Variants in SEMA5A observed in about 807,000 individuals in gnomAD.
SEMA5A encodes the protein semaphorin 5A.
Under a neutral mutation model 135.5 loss-of-function variants are expected in SEMA5A, and 55 were observed. That is an observed-to-expected ratio of 0.41 (90% confidence interval 0.33 to 0.51). The LOEUF (loss-of-function observed/expected upper bound fraction) is 0.51, where lower values mean the gene tolerates loss of function less well. SEMA5A is among the 20% of genes least tolerant of loss of function. The pLI, the probability that SEMA5A is intolerant of heterozygous loss-of-function variation, is 0.37. For synonymous variants in SEMA5A, 580 were observed against 546.5 expected, an observed-to-expected ratio of 1.06 and a Z score of -0.85; for missense variants, 1,290 against 1,419.9, an observed-to-expected ratio of 0.91 and a Z score of 1.47.
intron 1 of SEMA5A, among the ~76,000 whole-genome samples, chr5:9,473,535 C>T (rs1759558332): frequency 6.6e-6 from 1 of 151,724 alleles, no homozygotes; most frequent in Admixed American, 6.6e-5. Flanking sequence ...GTAGATTTTA[C>T]CCCAAAATTC....
At chr5:9,452,135 C>G (rs933250966) in intron 1 of SEMA5A, among the ~76,000 whole-genome samples, 1 of 152,152 alleles carries the variant, frequency 6.6e-6, no homozygotes, top group African/African-American at 2.4e-5. Flanking sequence ...TGCCCTGTCT[C>G]CTAATGCTGA....
At position 9,058,398 on chromosome 5, in the gene SEMA5A, G is replaced by A. The variant is rs550384924; in HGVS notation, c.2519-4141C>T. 2.6e-5 allele frequency among the ~76,000 whole-genome samples: 4 copies of A among 152,214 alleles called. No individual in the cohort carries two copies. In the East Asian group the frequency reaches 7.7e-4, roughly 29 times the overall value. On this transcript the variant is annotated intron_variant, in intron 18 of 22. Transcript: ENST00000382496. ...CTCCCATGTTGCTAAAAATCACATA[G>A]GAATCTCCTCATGGCTTGAATCATC...
intron 5 of SEMA5A, among the ~76,000 whole-genome samples, chr5:9,243,061 T>A (rs1476961684): frequency 6.6e-6 from 1 of 152,206 alleles, no homozygotes; most frequent in Non-Finnish European, 1.5e-5. Context: ...TCACTGGGCG[T>A]TCTGTTCTCT....
intron 1 of SEMA5A, among the ~76,000 whole-genome samples, chr5:9,464,480 T>C (rs1385241481): frequency 6.6e-6 from 1 of 152,254 alleles, no homozygotes; most frequent in Admixed American, 6.5e-5. Context: ...TTGAACAGTT[T>C]ACTCACGTAC....
chr5:9,254,297 T>G (rs1431772681), intron 5 of SEMA5A, among the ~76,000 whole-genome samples: 2 of 152,104 alleles, frequency 1.3e-5, no homozygotes, highest in African/African-American at 4.8e-5. Context: ...GAAGTAAAGG[T>G]ATATACTGTA....
At chr5:9,274,302 T>C (rs1461703703) in intron 5 of SEMA5A, among the ~76,000 whole-genome samples, 6 of 152,142 alleles carry the variant, frequency 3.9e-5, no homozygotes, top group Non-Finnish European at 5.9e-5. Context: ...CCTAAATATA[T>C]ATACATGCAA....
chr5:9,325,093 A>G (rs10059341), intron 4 of SEMA5A, among the ~76,000 whole-genome samples: 20,871 of 152,278 alleles, frequency 0.14, 1,512 homozygotes, highest in South Asian at 0.19. Context: ...CATTAGTTGT[A>G]TAGCTTGGAG....
intron 17 of SEMA5A, among the ~76,000 whole-genome samples, chr5:9,063,535 A>C (rs1561116048): frequency 6.6e-6 from 1 of 152,186 alleles, no homozygotes; most frequent in East Asian, 1.9e-4. Context: ...CATAATTCAG[A>C]CATTTTCTAA....
chr5:9,312,809 C>A (rs73742635), intron 5 of SEMA5A, among the ~76,000 whole-genome samples: 3,801 of 152,282 alleles, frequency 0.025, 162 homozygotes, highest in African/African-American at 0.087. Context: ...ATATTCCTTA[C>A]ACCAGATTTA....
In SEMA5A at chr5:9,066,585, G is replaced by C; in HGVS notation, c.2135C>G (p.Pro712Arg). The change falls in exon 17 of 23, where the codon CCC (proline) becomes CGC (arginine). Residue 712 changes from proline to arginine, a missense_variant. Physicochemically the swap from Pro to Arg is moderately radical, Grantham distance 103. This residue lies in a region of SEMA5A where 1,029 missense variants were observed against 1,086.6 expected (regional missense o/e 0.95). Coordinates refer to ENST00000382496, the MANE Select transcript of SEMA5A (RefSeq NM_003966.3). ...GTCAGAGATGTTGACAGGTGTCCAG[G>C]GTGTCCAGGGCGTGGTCTTCTTCAG... ...PELKKTTPWT[P>R]WTPVNISDNG... The C allele has an allele frequency of 2.5e-6, 4 of 1,614,128 alleles. No individual in the cohort carries two copies. The highest frequency in any genetic ancestry group is 3.4e-6 in the Non-Finnish European group (4 of 1,180,024).
intron 1 of SEMA5A, among the ~76,000 whole-genome samples, chr5:9,492,057 G>A (rs1409163492): frequency 6.6e-6 from 1 of 152,176 alleles, no homozygotes; most frequent in African/African-American, 2.4e-5. Context: ...TCACCCAAAA[G>A]CTATTTATTA....
At chr5:9,287,107 C>T (rs1338234614) in intron 5 of SEMA5A, among the ~76,000 whole-genome samples, 1 of 152,220 alleles carries the variant, frequency 6.6e-6, no homozygotes, top group Admixed American at 6.5e-5. Context: ...TAACCCTCCC[C>T]CGTCCACCTG....
At chr5:9,120,537 C>T (rs1320533108) in intron 14 of SEMA5A, among the ~76,000 whole-genome samples, 1 of 152,032 alleles carries the variant, frequency 6.6e-6, no homozygotes, top group East Asian at 1.9e-4. Context: ...GACAAATCTT[C>T]CCACATTTCT....
intron 1 of SEMA5A, among the ~76,000 whole-genome samples, chr5:9,540,808 G>C (rs1738043241): frequency 6.6e-6 from 1 of 152,132 alleles, no homozygotes; most frequent in Admixed American, 6.6e-5. Flanking sequence ...AGCTGGCTCA[G>C]AACAGCTTTG....
intron 1 of SEMA5A, among the ~76,000 whole-genome samples, chr5:9,465,922 A>G (rs1759240663): frequency 6.6e-6 from 1 of 152,230 alleles, no homozygotes; most frequent in South Asian, 2.1e-4. Context: ...CATGGCACTG[A>G]AGTGAGAGAG....
chr5:9,237,783 C>A, intron 6 of SEMA5A, 45 bp downstream of exon 6: 2 of 1,557,598 alleles, frequency 1.3e-6, no homozygotes, highest in Non-Finnish European at 1.8e-6. Flanking sequence ...AGTGTAGAGT[C>A]CTTCAAGACA....
intron 1 of SEMA5A, among the ~76,000 whole-genome samples, chr5:9,463,853 A>G (rs114923163): frequency 1.4e-4 from 22 of 152,174 alleles, no homozygotes; most frequent in Non-Finnish European, 2.9e-4. Flanking sequence ...AAAGTACTCC[A>G]CACCCCCCTG....
At chr5:9,119,197 C>T in intron 14 of SEMA5A, 56 bp from the exon 15 acceptor site, 1 of 1,585,444 alleles carries the variant, frequency 6.3e-7, no homozygotes, top group Non-Finnish European at 8.6e-7. Flanking sequence ...AGTCCAAGCC[C>T]TGTCTGCACC....
At chr5:9,057,297 G>A (rs561334058) in intron 18 of SEMA5A, among the ~76,000 whole-genome samples, 18 of 152,230 alleles carry the variant, frequency 1.2e-4, no homozygotes, top group South Asian at 6.2e-4. Context: ...TTACCACAGC[G>A]AAAACAAAAA....
Sources: gnomAD v4.1 joint callset for allele counts (sites outside exome capture counted in the v4.1 genomes callset) on GRCh38, gnomAD v4.1.1 for gene constraint, gnomAD v4.1.1 regional missense constraint, MANE v1.5 for transcripts, NCBI Gene and HGNC (gene_info 2026-07-23, HGNC 2026-07-21) for gene names.